The following PDS5B variants were observed in gnomAD, a reference collection of about 807,000 sequenced individuals.
PDS5B encodes the protein PDS5 cohesin associated factor B, also known as sister chromatid cohesion protein PDS5 homolog B.
In PDS5B, 51 loss-of-function variants were observed where a neutral mutation model predicts 184.1. The observed-to-expected ratio is 0.28, with a 90% CI of 0.22 to 0.35. The LOEUF is 0.35. PDS5B is among the 10% of genes least tolerant of loss of function. PDS5B has a pLI of 1.00. For synonymous variants in PDS5B, 566 were observed against 569.2 expected (o/e 0.99, Z 0.08); for missense variants, 1,180 against 1,723.3 (o/e 0.68, Z 5.58).
chr13:32,710,185 C>G, intron 19 of PDS5B, 79 bp downstream of exon 19: 1 of 1,058,914 alleles, frequency 9.4e-7, no homozygotes. Context: ...AATTGGGAAT[C>G]TTTCAAGTTT....
chr13:32,627,661 A>G (rs943136569), intron 1 of PDS5B, among the ~76,000 whole-genome samples: 1 of 152,220 alleles, frequency 6.6e-6, no homozygotes, highest in African/African-American at 2.4e-5. Flanking sequence ...GCATTAATGA[A>G]TCTGTAAAGA....
chr13:32,750,479 A>G (rs967319577), intron 24 of PDS5B, among the ~76,000 whole-genome samples: 2 of 152,100 alleles, frequency 1.3e-5, no homozygotes, highest in African/African-American at 2.4e-5. Context: ...TTCGTGGAGT[A>G]TGAGGGTAGA....
chr13:32,588,903 G>C (rs2057731707), intron 1 of PDS5B, among the ~76,000 whole-genome samples: 1 of 152,178 alleles, frequency 6.6e-6, no homozygotes, highest in Admixed American at 6.5e-5. Context: ...CCTGGAGAGG[G>C]GTGCAATGGT....
intron 1 of PDS5B, among the ~76,000 whole-genome samples, chr13:32,602,732 A>G (rs1223366726): frequency 6.6e-6 from 1 of 152,016 alleles, no homozygotes; most frequent in African/African-American, 2.4e-5. Context: ...AAGTGTTCCT[A>G]TTTCTCCACA....
rs370392317 is a variant in PDS5B at position 32,604,720 on chromosome 13, G to C, written c.-20+18127G>C. On this transcript the variant is annotated intron_variant, in intron 1 of 34. Transcript: ENST00000315596. ...TCTGGTCCTGGACTTTTTTTGGTTG[G>C]TAGGCTATTAATTATTGCCTCAATT... Among the ~76,000 whole-genome samples the C allele has an allele frequency of 2.6e-4, 39 of 152,196 alleles. No homozygotes were observed. In the East Asian group the frequency reaches 6.9e-3, roughly 27 times the overall value.
chr13:32,768,448 T>TA (rs1479411910), intron 31 of PDS5B, among the ~76,000 whole-genome samples: 3 of 152,100 alleles, frequency 2.0e-5, no homozygotes, highest in Non-Finnish European at 4.4e-5. Flanking sequence ...AGCTTGAACA[T>TA]ACAATTTTTT....
chr13:32,677,118 T>G (rs1246812156), intron 9 of PDS5B, among the ~76,000 whole-genome samples: 3 of 152,102 alleles, frequency 2.0e-5, no homozygotes, highest in Admixed American at 6.5e-5. Context: ...GTGATAAGTG[T>G]TTGTTAAGCT....
At chr13:32,721,191 G>A (rs563325282) in intron 19 of PDS5B, among the ~76,000 whole-genome samples, 1 of 152,322 alleles carries the variant, frequency 6.6e-6, no homozygotes, top group African/African-American at 2.4e-5. Context: ...CTGGGCAGAG[G>A]GGCTCCTCAC....
intron 24 of PDS5B, among the ~76,000 whole-genome samples, chr13:32,750,523 C>T (rs181496911): frequency 6.6e-6 from 1 of 152,136 alleles, no homozygotes; most frequent in African/African-American, 2.4e-5. Flanking sequence ...GCTTCTTCCC[C>T]TTCCCTCCCT....
At chr13:32,696,056 T>C (rs915220121) in intron 14 of PDS5B, among the ~76,000 whole-genome samples, 34 of 152,140 alleles carry the variant, frequency 2.2e-4, no homozygotes, top group African/African-American at 7.5e-4. Context: ...AGCTGTTAGA[T>C]GCTTTAAATT....
At chr13:32,742,204 A>T (rs941715785) in intron 22 of PDS5B, among the ~76,000 whole-genome samples, 1 of 152,248 alleles carries the variant, frequency 6.6e-6, no homozygotes, top group African/African-American at 2.4e-5. Context: ...TAAATACTTC[A>T]TAATCATAAA....
chr13:32,650,001 A>G (rs955192090), intron 2 of PDS5B: 5 of 152,180 alleles, frequency 3.3e-5, no homozygotes, highest in African/African-American at 1.2e-4. Flanking sequence ...ATTTGTTTAT[A>G]CTAAGTGAGC....
chr13:32,709,013 G>T (rs2140890558), intron 18 of PDS5B, among the ~76,000 whole-genome samples: 1 of 151,884 alleles, frequency 6.6e-6, no homozygotes, highest in Middle Eastern at 3.4e-3. Context: ...CCCTTACCAG[G>T]TATCATTGTC....
chr13:32,609,813 T>A (rs1311662902), intron 1 of PDS5B, among the ~76,000 whole-genome samples: 5 of 151,926 alleles, frequency 3.3e-5, no homozygotes, highest in Non-Finnish European at 7.4e-5. Flanking sequence ...AATGGAACCA[T>A]TGCTGCATCC....
In PDS5B at chr13:32,651,925, G is replaced by A. The variant is rs1171951389; in HGVS notation, c.230G>A (p.Arg77His). Residue 77 changes from arginine (R) to histidine (H), a missense_variant, in exon 3 of 35, where the codon CGC (arginine) becomes CAC (histidine). Physicochemically the swap from Arg to His is conservative, Grantham distance 29. Transcript: ENST00000315596. ...FFLKHPDKDV[R>H]LLVACCLADI... Reference sequence around the variant, plus strand: ...CTCAAGCATCCTGATAAAGATGTTCGCTTACTGGTAGCCTGCTGCCTTGCT... The same window carrying A: ...CTCAAGCATCCTGATAAAGATGTTCACTTACTGGTAGCCTGCTGCCTTGCT... 6.2e-7 allele frequency: 1 copy of A among 1,613,374 alleles called. No homozygotes were observed. The highest frequency in any genetic ancestry group is 8.5e-7 in the Non-Finnish European group (1 of 1,179,598).
chr13:32,655,118 T>C (rs1348682094), intron 3 of PDS5B, among the ~76,000 whole-genome samples: 1 of 151,876 alleles, frequency 6.6e-6, no homozygotes, highest in Non-Finnish European at 1.5e-5. Flanking sequence ...TTTTCCACAA[T>C]GGCTGAACTA....
intron 1 of PDS5B, among the ~76,000 whole-genome samples, chr13:32,622,130 T>TA (rs2058310999): frequency 6.6e-6 from 1 of 152,118 alleles, no homozygotes; most frequent in African/African-American, 2.4e-5. Context: ...CTTTCTCTGT[T>TA]CTTTGATTTC....
At chr13:32,632,489 TA>T (rs1245137681) in intron 1 of PDS5B, among the ~76,000 whole-genome samples, 1 of 152,128 alleles carries the variant, frequency 6.6e-6, no homozygotes, top group Non-Finnish European at 1.5e-5. Context: ...AGGATGGCTA[TA>T]AAAAAACAAA....
At chr13:32,661,417 A>AAAAAAAAAAAAAAAAAC (rs1566297749) in intron 6 of PDS5B, among the ~76,000 whole-genome samples, 1 of 149,714 alleles carries the variant, frequency 6.7e-6, no homozygotes, top group Non-Finnish European at 1.5e-5. Context: ...AAAACAGAAA[A>AAAAAAAAAAAAAAAAAC]AGAAAAAGAA....
Sources: gnomAD v4.1 joint callset for allele counts (sites outside exome capture counted in the v4.1 genomes callset) on GRCh38, gnomAD v4.1.1 for gene constraint, MANE v1.5 for transcripts, NCBI Gene and HGNC (gene_info 2026-07-23, HGNC 2026-07-21) for gene names.